CAB39: variants seen among roughly 807,000 people sequenced by gnomAD.
The protein encoded by CAB39 is calcium binding protein 39, also known as calcium-binding protein 39.
In CAB39, 8 loss-of-function variants were observed where a neutral mutation model predicts 40.0. The observed-to-expected ratio is 0.20, with a 90% CI of 0.12 to 0.36. The LOEUF is 0.36. CAB39 is among the 10% of genes least tolerant of loss of function. The pLI, the probability that CAB39 is intolerant of heterozygous loss-of-function variation, is 1.00. For synonymous variants in CAB39, 156 were observed against 141.6 expected, an observed-to-expected ratio of 1.10 and a Z score of -0.72; for missense variants, 270 against 401.1, an observed-to-expected ratio of 0.67 and a Z score of 2.79.
chr2:230,796,531 T>G (rs2124963738), intron 4 of CAB39, among the ~76,000 whole-genome samples: 1 of 152,300 alleles, frequency 6.6e-6, no homozygotes, highest in South Asian at 2.1e-4. Flanking sequence ...CTTTCCTGCC[T>G]TCTAAAGCTC....
chr2:230,778,732 A>G (rs1695637733), intron 2 of CAB39, among the ~76,000 whole-genome samples: 1 of 152,356 alleles, frequency 6.6e-6, no homozygotes, highest in Admixed American at 6.5e-5. Flanking sequence ...TTACTTAACA[A>G]CAGGGATACA....
At chr2:230,730,482 T>G (rs1030820613) in intron 1 of CAB39, among the ~76,000 whole-genome samples, 2 of 150,976 alleles carry the variant, frequency 1.3e-5, no homozygotes, top group African/African-American at 4.9e-5. Flanking sequence ...CTCGCTCTTG[T>G]GCCCCAGGCT....
chr2:230,746,134 TAA>T (rs1694972026), intron 1 of CAB39, among the ~76,000 whole-genome samples: 1 of 152,194 alleles, frequency 6.6e-6, no homozygotes, highest in Non-Finnish European at 1.5e-5. Context: ...GATTTATGTG[TAA>T]GATGACAGAA....
In CAB39 at chr2:230,781,997, C is replaced by G. The variant is rs1054301601; in HGVS notation, c.115-8875C>G. 2.0e-5 allele frequency among the ~76,000 whole-genome samples: 3 copies of G among 152,110 alleles called. No homozygotes were observed. In the South Asian group the frequency reaches 6.2e-4, roughly 32 times the overall value. On this transcript the variant is annotated intron_variant, in intron 2 of 8. Coordinates refer to ENST00000258418, the MANE Select transcript of CAB39 (RefSeq NM_016289.4). Reference sequence around the variant, plus strand: ...CTCGTGACTCAGCCTCCCAAGTAGCCAGGGCTACAGGCTCATGCCACTGCA... The same window carrying G: ...CTCGTGACTCAGCCTCCCAAGTAGCGAGGGCTACAGGCTCATGCCACTGCA...
chr2:230,754,645 A>G (rs375703802), intron 1 of CAB39, among the ~76,000 whole-genome samples: 15 of 152,088 alleles, frequency 9.9e-5, no homozygotes, highest in African/African-American at 3.4e-4. Context: ...CAGTCCCCCT[A>G]GTAGCTGGGA....
intron 1 of CAB39, among the ~76,000 whole-genome samples, chr2:230,735,502 C>T (rs1694773295): frequency 1.3e-5 from 2 of 148,524 alleles, no homozygotes; most frequent in Non-Finnish European, 3.0e-5. Context: ...GTTTGTATAC[C>T]TAGTTAAAAA....
intron 1 of CAB39, among the ~76,000 whole-genome samples, chr2:230,755,058 T>TA (rs1202697386): frequency 1.3e-5 from 2 of 152,022 alleles, no homozygotes; most frequent in African/African-American, 4.8e-5. Context: ...TATATATACA[T>TA]ACATACACAC....
chr2:230,768,104 C>T (rs1695418679), intron 2 of CAB39, among the ~76,000 whole-genome samples: 1 of 152,136 alleles, frequency 6.6e-6, no homozygotes, highest in Admixed American at 6.5e-5. Flanking sequence ...AAAATGGAAT[C>T]AAAAACAGAG....
intron 1 of CAB39, among the ~76,000 whole-genome samples, chr2:230,754,182 G>A (rs1210094471): frequency 6.6e-6 from 1 of 152,100 alleles, no homozygotes; most frequent in Non-Finnish European, 1.5e-5. Context: ...TAGGTTATTG[G>A]GATACAGGTA....
chr2:230,721,695 TG>T (rs1694456556), intron 1 of CAB39, among the ~76,000 whole-genome samples: 1 of 152,200 alleles, frequency 6.6e-6, no homozygotes, highest in African/African-American at 2.4e-5. Flanking sequence ...GATTTCAACT[TG>T]GGAAAACACT....
chr2:230,815,116 C>T (rs1456604580), intron 7 of CAB39, among the ~76,000 whole-genome samples: 1 of 152,190 alleles, frequency 6.6e-6, no homozygotes, highest in African/African-American at 2.4e-5. Context: ...TACTTTGTGT[C>T]CTTTGATAGG....
intron 5 of CAB39, among the ~76,000 whole-genome samples, chr2:230,804,682 C>G (rs1288885176): frequency 2.6e-5 from 4 of 152,166 alleles, no homozygotes; most frequent in Admixed American, 6.5e-5. Context: ...AAATGCAAAT[C>G]AAAACCACAA....
At chr2:230,743,820 T>C (rs148980835) in intron 1 of CAB39, among the ~76,000 whole-genome samples, 1 of 152,194 alleles carries the variant, frequency 6.6e-6, no homozygotes, top group East Asian at 1.9e-4. Flanking sequence ...AAGAAACCTT[T>C]TGTCTGCAGA....
intron 1 of CAB39, among the ~76,000 whole-genome samples, chr2:230,749,950 T>G (rs1695057500): frequency 6.6e-6 from 1 of 152,166 alleles, no homozygotes; most frequent in Non-Finnish European, 1.5e-5. Flanking sequence ...AGTCCCAGCT[T>G]TTTCGCTTTA....
intron 1 of CAB39, among the ~76,000 whole-genome samples, chr2:230,740,186 G>A (rs929882685): frequency 2.0e-5 from 3 of 152,156 alleles, no homozygotes; most frequent in Non-Finnish European, 2.9e-5. Context: ...TGGTGGCCTC[G>A]TGGTTATTTA....
chr2:230,742,779 G>A (rs1411336286), intron 1 of CAB39, among the ~76,000 whole-genome samples: 3 of 152,046 alleles, frequency 2.0e-5, no homozygotes, highest in Admixed American at 2.0e-4. Flanking sequence ...AGAAGAGGAA[G>A]GCAAGAAGAC....
chr2:230,726,338 AT>A (rs796252084), intron 1 of CAB39, among the ~76,000 whole-genome samples: 2,702 of 141,748 alleles, frequency 0.019, 71 homozygotes, highest in African/African-American at 0.058. Context: ...AATTTTTTGT[AT>A]TTTTTTTTTT....
At chr2:230,714,598 A>G (rs1358777800) in intron 1 of CAB39, among the ~76,000 whole-genome samples, 2 of 152,248 alleles carry the variant, frequency 1.3e-5, no homozygotes, top group Non-Finnish European at 2.9e-5. Context: ...CTAAACCTAC[A>G]TTCTTTGAGG....
intron 5 of CAB39, among the ~76,000 whole-genome samples, chr2:230,803,539 A>G (rs1261786284): frequency 6.6e-6 from 1 of 152,244 alleles, no homozygotes; most frequent in African/African-American, 2.4e-5. Context: ...CCTTAAGCTG[A>G]TAAGCAACTT....
Sources: gnomAD v4.1 joint callset for allele counts (sites outside exome capture counted in the v4.1 genomes callset) on GRCh38, gnomAD v4.1.1 for gene constraint, MANE v1.5 for transcripts, NCBI Gene and HGNC (gene_info 2026-07-23, HGNC 2026-07-21) for gene names.